TSPAN19: variants seen among roughly 807,000 people sequenced by gnomAD.
The protein encoded by TSPAN19 is tetraspanin 19, also known as tetraspanin-19.
In TSPAN19, 44 loss-of-function variants were observed where a neutral mutation model predicts 35.1. The observed-to-expected ratio is 1.25, with a 90% confidence interval of 0.98 to 1.61. The LOEUF (loss-of-function observed/expected upper bound fraction) is 1.61. Among genes scored for constraint, TSPAN19 ranks in the 40% most tolerant of loss-of-function variants. TSPAN19 has a pLI of 0.00. For synonymous variants in TSPAN19, 79 were observed against 92.0 expected (o/e 0.86, Z 0.81); for missense variants, 290 against 280.0 (o/e 1.04, Z -0.26).
Position 85,029,799 on chromosome 12 carries a change from A to T in TSPAN19, c.67-8T>A. On this transcript the variant is annotated splice_polypyrimidine_tract_variant and splice_region_variant and intron_variant, in intron 2 of 8. Coordinates refer to ENST00000532498, the MANE Select transcript of TSPAN19 (RefSeq NM_001100917.2). Reference sequence around the variant, plus strand: ...GAATAAAAGTCCAAGAACCTAAAAAAAGAAAGTCAATGCTTATTTTTTTGT... The same window carrying T: ...GAATAAAAGTCCAAGAACCTAAAAATAGAAAGTCAATGCTTATTTTTTTGT... 6.5e-7 allele frequency: 1 copy of T among 1,540,956 alleles called. No individual in the cohort carries two copies. The highest frequency in any genetic ancestry group is 8.7e-7 in the Non-Finnish European group (1 of 1,144,242).
chr12:85,033,354 T>C (rs1877771317), intron 1 of TSPAN19, among the ~76,000 whole-genome samples: 1 of 152,024 alleles, frequency 6.6e-6, no homozygotes. Context: ...CTAAAGATTT[T>C]TTTTTTCCTG....
chr12:85,024,336 A>G (rs1004011189), intron 4 of TSPAN19, among the ~76,000 whole-genome samples: 1 of 152,218 alleles, frequency 6.6e-6, no homozygotes, highest in Non-Finnish European at 1.5e-5. Flanking sequence ...GAGTTTTCAG[A>G]AAGTCCTTAG....
Position 85,029,948 on chromosome 12 carries a change from C to T in TSPAN19, c.-2G>A. The T allele has an allele frequency of 6.9e-7, 1 of 1,443,692 alleles. No homozygotes were observed. The highest frequency in any genetic ancestry group is 9.3e-7 in the Non-Finnish European group (1 of 1,071,742). The allele number at this position is 1,443,692 out of a possible 1,614,324, so 89.4% of individuals were successfully genotyped here. ...TATTGTTTTGTTATTTCTTAACATT[C>T]TTTTTCTTCCAAGATATTGATGATT... On this transcript the variant is annotated 5_prime_UTR_variant, in exon 2 of 9. Transcript: ENST00000532498.
chr12:85,016,480 G>A (rs1171947237), intron 7 of TSPAN19: 1 of 151,746 alleles, frequency 6.6e-6, no homozygotes, highest in East Asian at 1.9e-4. Flanking sequence ...TTACACTTTG[G>A]GGTCATCATT....
intron 2 of TSPAN19, 24 bp from the exon 3 acceptor site, chr12:85,029,815 A>AT (rs1414767474): frequency 6.5e-7 from 1 of 1,537,058 alleles, no homozygotes; most frequent in Non-Finnish European, 8.8e-7. Context: ...GTCAATGCTT[A>AT]TTTTTTTGTA....
intron 6 of TSPAN19, 136 bp downstream of exon 6, chr12:85,019,490 C>A: frequency 3.5e-6 from 2 of 563,458 alleles, no homozygotes; most frequent in Non-Finnish European, 3.2e-6. Context: ...TGGAGAATGC[C>A]CTTTTTGCCC....
intron 4 of TSPAN19, among the ~76,000 whole-genome samples, chr12:85,024,031 T>C (rs1199035084): frequency 6.6e-6 from 1 of 151,978 alleles, no homozygotes; most frequent in Non-Finnish European, 1.5e-5. Flanking sequence ...GAATAAGAAA[T>C]AAAGATTATA....
Position 85,032,445 on chromosome 12 carries a change from T to C in TSPAN19, c.-27-2472A>G, listed in dbSNP as rs185201965. On this transcript the variant is annotated intron_variant, in intron 1 of 8. Coordinates refer to ENST00000532498, the MANE Select transcript of TSPAN19 (RefSeq NM_001100917.2). ...GACAGTTCTAGATCATGGTGTCATA[T>C]CATGGTGTTACATGGTATAGAAGTC... 6.2e-3 allele frequency among the ~76,000 whole-genome samples: 946 copies of C among 152,296 alleles called. 5 individuals are homozygous for C. Among genetic ancestry groups the C allele is most frequent in the Non-Finnish European group, 7.9e-3 (537 of 68,008 alleles).
chr12:85,016,104 C>A (rs901823600), intron 7 of TSPAN19, 133 bp from the exon 8 acceptor site: 4 of 527,462 alleles, frequency 7.6e-6, no homozygotes, highest in East Asian at 3.4e-5. Flanking sequence ...ATCTAATTGG[C>A]GAACTGGACT....
chr12:85,022,773 T>C (rs1592662238), intron 5 of TSPAN19, among the ~76,000 whole-genome samples: 1 of 152,134 alleles, frequency 6.6e-6, no homozygotes, highest in Non-Finnish European at 1.5e-5. Flanking sequence ...TAGGTTGTAA[T>C]AGGTAAGTTT....
chr12:85,019,308 A>G (rs1876988528), intron 6 of TSPAN19, among the ~76,000 whole-genome samples: 1 of 151,968 alleles, frequency 6.6e-6, no homozygotes, highest in African/African-American at 2.4e-5. Flanking sequence ...TGCTGCCAGC[A>G]GAGACTACTG....
chr12:85,030,412 C>T (rs1877629898), intron 1 of TSPAN19, among the ~76,000 whole-genome samples: 1 of 152,082 alleles, frequency 6.6e-6, no homozygotes, highest in African/African-American at 2.4e-5. Flanking sequence ...GTTTTCCTCA[C>T]TTCTGCATGC....
At chr12:85,021,822 G>C (rs1166270812) in intron 5 of TSPAN19, among the ~76,000 whole-genome samples, 3 of 152,010 alleles carry the variant, frequency 2.0e-5, no homozygotes, top group Non-Finnish European at 4.4e-5. Flanking sequence ...TCTGTCATTT[G>C]GCCATGAAAT....
At chr12:85,028,357 TATTC>T (rs1419201665) in intron 3 of TSPAN19, among the ~76,000 whole-genome samples, 2 of 152,224 alleles carry the variant, frequency 1.3e-5, no homozygotes, top group African/African-American at 4.8e-5. Flanking sequence ...AACATTCATG[TATTC>T]ATTCATTCAT....
intron 4 of TSPAN19, 92 bp downstream of exon 4, chr12:85,027,807 T>C: frequency 7.9e-7 from 1 of 1,259,672 alleles, no homozygotes; most frequent in Non-Finnish European, 1.1e-6. Flanking sequence ...TCTACTGCAG[T>C]GCCATGCTAA....
In TSPAN19 at chr12:85,027,908, G is replaced by T; in HGVS notation, c.255C>A (p.Leu85=). ...GACATGAAATACGTACCACAATTAGGAGCCATCTGATTTCGTTGTGAATTC... is the reference window on the plus strand; with the variant it reads ...GACATGAAATACGTACCACAATTAGTAGCCATCTGATTTCGTTGTGAATTC... ...YIGIHNEIRW[L]LIVYAVLITW... is the part of the protein sequence containing the mutation. Residue 85 remains leucine, a synonymous_variant, in exon 4 of 9, where the codon CTC becomes CTA. Coordinates refer to ENST00000532498, the MANE Select transcript of TSPAN19 (RefSeq NM_001100917.2). The T allele has an allele frequency of 6.4e-7, 1 of 1,573,634 alleles. No individual in the cohort carries two copies.
chr12:85,019,916 T>C (rs896397378), intron 5 of TSPAN19, among the ~76,000 whole-genome samples, 180 bp from the exon 6 acceptor site: 30 of 152,046 alleles, frequency 2.0e-4, no homozygotes, highest in Non-Finnish European at 7.4e-5. Context: ...TCAAATCATA[T>C]GGTTTTTCAA....
chr12:85,018,904 G>A (rs1029647722), intron 6 of TSPAN19, among the ~76,000 whole-genome samples: 1 of 151,746 alleles, frequency 6.6e-6, no homozygotes, highest in Admixed American at 6.6e-5. Flanking sequence ...AAAAAAGTCT[G>A]GGACTATGTA....
At chr12:85,028,353 C>G (rs1342868746) in intron 3 of TSPAN19, among the ~76,000 whole-genome samples, 1 of 152,148 alleles carries the variant, frequency 6.6e-6, no homozygotes, top group Non-Finnish European at 1.5e-5. Context: ...TTCAAACATT[C>G]ATGTATTCAT....
Sources: allele counts gnomAD v4.1 joint callset (sites outside exome capture counted in the v4.1 genomes callset), GRCh38; gene constraint gnomAD v4.1.1; transcripts MANE v1.5; gene names NCBI Gene and HGNC (gene_info 2026-07-23, HGNC 2026-07-21).